PTPN14: variants seen among roughly 807,000 people sequenced by gnomAD.
PTPN14 encodes the protein protein tyrosine phosphatase non-receptor type 14.
A neutral mutation model predicts 126.8 loss-of-function variants in PTPN14; 53 were observed. The ratio of observed to expected loss-of-function variants is 0.42; its 90% CI spans 0.34 to 0.53. The LOEUF is 0.53. PTPN14 is among the 20% of genes least tolerant of loss of function. PTPN14 has a pLI of 0.08. For synonymous variants in PTPN14, 630 were observed against 599.3 expected (o/e 1.05, Z -0.75); for missense variants, 1,257 against 1,552.9 (o/e 0.81, Z 3.20).
intron 1 of PTPN14, chr1:214,528,760 A>C (rs1424838944): frequency 6.6e-6 from 1 of 152,058 alleles, no homozygotes; most frequent in Admixed American, 6.6e-5. Context: ...GTGAAACTCC[A>C]TCTCTACTAA....
chr1:214,524,276 C>G (rs1655335057), intron 1 of PTPN14, among the ~76,000 whole-genome samples: 1 of 152,080 alleles, frequency 6.6e-6, no homozygotes, highest in South Asian at 2.1e-4. Flanking sequence ...TTCCTCATTG[C>G]AAGCTGATTT....
intron 10 of PTPN14, among the ~76,000 whole-genome samples, chr1:214,391,715 A>AC (rs1316375998): frequency 2.6e-5 from 4 of 151,424 alleles, no homozygotes; most frequent in Non-Finnish European, 5.9e-5. Context: ...AAAAAAAAAA[A>AC]AAAAACCCAG....
At chr1:214,522,709 A>C (rs1655289480) in intron 1 of PTPN14, among the ~76,000 whole-genome samples, 1 of 152,242 alleles carries the variant, frequency 6.6e-6, no homozygotes, top group African/African-American at 2.4e-5. Context: ...AATAAAGGAC[A>C]AGAAAAGTGA....
rs1657859854 is a variant in PTPN14, at chr1:214,357,844, G to GA, written c.*77dup. The GA allele has an allele frequency of 7.2e-7, 1 of 1,380,094 alleles. No individual in the cohort carries two copies. Among genetic ancestry groups the GA allele is most frequent in the African/African-American group, 1.4e-5 (1 of 70,470 alleles). 85.5% of individuals were successfully genotyped at this position (1,380,094 alleles called of 1,614,324 possible). A position where few individuals can be genotyped will look rare whatever the true frequency, so the allele number is the denominator to read the frequency against. ...CCAGCCACCTGCACCCCTGTGGGGG[G>GA]AGCAGATGTTGTCTGGAGGTGACTC... is the stretch of plus-strand genomic sequence containing the variant. On this transcript the variant is annotated 3_prime_UTR_variant, in exon 19 of 19. Transcript: ENST00000366956.
At chr1:214,537,213 A>C (rs1655730142) in intron 1 of PTPN14, among the ~76,000 whole-genome samples, 1 of 152,190 alleles carries the variant, frequency 6.6e-6, no homozygotes, top group South Asian at 2.1e-4. Flanking sequence ...TATATTCCCT[A>C]GTTTAAAGAT....
At chr1:214,523,850 C>CTTTT (rs1286518641) in intron 1 of PTPN14, among the ~76,000 whole-genome samples, 7,061 of 134,350 alleles carry the variant, frequency 0.053, 544 homozygotes, top group East Asian at 0.24. Flanking sequence ...TAATCAGATT[C>CTTTT]TTTTTTTTTT....
chr1:214,508,164 T>G (rs371731166), intron 1 of PTPN14, among the ~76,000 whole-genome samples: 1 of 152,192 alleles, frequency 6.6e-6, no homozygotes, highest in Non-Finnish European at 1.5e-5. Flanking sequence ...ATAAAGACAA[T>G]GAAGTTTGCC....
intron 15 of PTPN14, among the ~76,000 whole-genome samples, chr1:214,375,934 G>A (rs943949732): frequency 6.6e-6 from 1 of 152,172 alleles, no homozygotes; most frequent in Non-Finnish European, 1.5e-5. Flanking sequence ...TATAGAGAGA[G>A]TTACAGCCCA....
intron 1 of PTPN14, among the ~76,000 whole-genome samples, chr1:214,520,065 A>AAAAATATATATATATAT: frequency 6.9e-4 from 49 of 71,094 alleles, no homozygotes; most frequent in Admixed American, 1.1e-3. Context: ...AAAAAAAAAA[A>AAAAATATATATATATAT]ATATATATAT....
intron 1 of PTPN14, chr1:214,532,411 T>A: frequency 1.4e-6 from 1 of 712,044 alleles, no homozygotes; most frequent in Non-Finnish European, 2.5e-6. Flanking sequence ...ATAGGAGGCA[T>A]CCAGAACGAG....
chr1:214,481,452 T>C (rs978754576), intron 1 of PTPN14, among the ~76,000 whole-genome samples: 1 of 133,156 alleles, frequency 7.5e-6, no homozygotes, highest in Non-Finnish European at 1.5e-5. Flanking sequence ...CCAAGGTTGC[T>C]GTGAGCCAAG....
Position 214,409,873 on chromosome 1 carries a change from G to A in PTPN14, c.510+1811C>T, listed in dbSNP as rs570416463. ...AACAGGTATGAGGTGGTGTTTCATCGTGGTTTCAATTTGCATTTCCCTGAT... is the reference window on the plus strand; with the variant it reads ...AACAGGTATGAGGTGGTGTTTCATCATGGTTTCAATTTGCATTTCCCTGAT... On this transcript the variant is annotated intron_variant, in intron 5 of 18. Coordinates refer to ENST00000366956, the MANE Select transcript of PTPN14 (RefSeq NM_005401.5). Among the ~76,000 whole-genome samples the A allele has an allele frequency of 3.2e-4, 49 of 152,210 alleles. 1 individual carries two copies. The highest frequency in any genetic ancestry group is 1.1e-3 in the African/African-American group (45 of 41,508).
intron 3 of PTPN14, among the ~76,000 whole-genome samples, chr1:214,427,821 G>A (rs55832582): frequency 6.6e-6 from 1 of 152,166 alleles, no homozygotes; most frequent in African/African-American, 2.4e-5. Flanking sequence ...GTGGATATTT[G>A]GGGGATGGAG....
chr1:214,437,348 G>A (rs967676399), intron 3 of PTPN14, among the ~76,000 whole-genome samples: 2 of 152,002 alleles, frequency 1.3e-5, no homozygotes, highest in African/African-American at 4.8e-5. Context: ...CAGAAACAGT[G>A]GGAAGTTGTG....
intron 1 of PTPN14, among the ~76,000 whole-genome samples, chr1:214,493,162 G>A (rs1173057763): frequency 3.9e-5 from 6 of 152,158 alleles, no homozygotes; most frequent in African/African-American, 1.2e-4. Flanking sequence ...TCCTGGGTGC[G>A]AGGAAGCCTC....
intron 18 of PTPN14, among the ~76,000 whole-genome samples, chr1:214,362,836 C>CA (rs11419880): frequency 0.11 from 15,891 of 150,056 alleles, 1,345 homozygotes; most frequent in East Asian, 0.37. Context: ...AACCCTGTCT[C>CA]AAAAAAAAGA....
intron 3 of PTPN14, among the ~76,000 whole-genome samples, chr1:214,432,124 G>A (rs1339129537): frequency 6.6e-6 from 1 of 151,986 alleles, no homozygotes; most frequent in East Asian, 1.9e-4. Flanking sequence ...TATGGGCCAG[G>A]AGGCTTCAGT....
intron 12 of PTPN14, 101 bp downstream of exon 12, chr1:214,386,743 A>G: frequency 1.6e-6 from 2 of 1,222,984 alleles, no homozygotes; most frequent in Non-Finnish European, 1.2e-6. Context: ...GACAAAGTTG[A>G]AAAGAAAGCA....
rs1473944090 is a variant in PTPN14 at position 214,357,215 on chromosome 1, T to C, written c.*707A>G. ...AGAAAAGCACAACACAGAGCTTGTCTTTCGGCCCCAAAGATGGCAATTACT... is the reference window on the plus strand; with the variant it reads ...AGAAAAGCACAACACAGAGCTTGTCCTTCGGCCCCAAAGATGGCAATTACT... On this transcript the variant is annotated 3_prime_UTR_variant, in exon 19 of 19. Transcript: ENST00000366956. 1 of 152,072 alleles carries C rather than the reference T, an allele frequency of 6.6e-6. No individual in the cohort carries two copies. The highest frequency in any genetic ancestry group is 2.4e-5 in the African/African-American group (1 of 41,406). The allele number at this position is 152,072 out of a possible 1,614,324, so 9.4% of individuals were successfully genotyped here.
Sources: gnomAD v4.1 joint callset for allele counts (sites outside exome capture counted in the v4.1 genomes callset) on GRCh38, gnomAD v4.1.1 for gene constraint, MANE v1.5 for transcripts, NCBI Gene and HGNC (gene_info 2026-07-23, HGNC 2026-07-21) for gene names.